MRPL13: variants seen among roughly 807,000 people sequenced by gnomAD.
MRPL13 encodes the protein mitochondrial ribosomal protein L13, also known as large ribosomal subunit protein uL13m.
MRPL13 carries 33 observed loss-of-function variants against 29.0 expected under a neutral mutation model. The ratio of observed to expected loss-of-function variants is 1.14; its 90% CI spans 0.86 to 1.52. MRPL13 has a LOEUF of 1.52. Among genes scored for constraint, MRPL13 ranks in the 40% most tolerant of loss-of-function variants. The pLI, the probability that MRPL13 is intolerant of heterozygous loss-of-function variation, is 0.00. For synonymous variants in MRPL13, 77 were observed against 68.4 expected (o/e 1.13, Z -0.62); for missense variants, 227 against 216.7 (o/e 1.05, Z -0.30).
At chr8:120,403,918 T>C (rs756725833) in intron 6 of MRPL13, among the ~76,000 whole-genome samples, 3 of 152,190 alleles carry the variant, frequency 2.0e-5, no homozygotes, top group Non-Finnish European at 4.4e-5. Flanking sequence ...TCTGGGAAAC[T>C]AGCCAGGTAT....
rs148855915 is a variant in MRPL13, at chr8:120,443,228, A to T, written c.108T>A (p.Ser36=). 244 of 1,610,394 alleles carry T rather than the reference A, an allele frequency of 1.5e-4. 2 individuals are homozygous for T. The African/African-American group carries it at 2.8e-3, about 19-fold the overall frequency. ...GTTTATGTAATCCCTGAAGTCTTAT[A>T]GATGCCATAGCAGCAAGTTTGCCAG... is the stretch of plus-strand genomic sequence containing the variant. ...QPPGKLAAMA[S]IRLQGLHKPV... The change falls in exon 2 of 7, where the codon TCT becomes TCA. Residue 36 remains serine, a synonymous_variant. Coordinates refer to ENST00000306185, the MANE Select transcript of MRPL13 (RefSeq NM_014078.6).
At chr8:120,440,179 A>G (rs1813101724) in intron 2 of MRPL13, among the ~76,000 whole-genome samples, 1 of 152,242 alleles carries the variant, frequency 6.6e-6, no homozygotes, top group Non-Finnish European at 1.5e-5. Context: ...AAAGGTATAT[A>G]GAGTGAAAGG....
At chr8:120,402,250 A>G (rs1161133499) in intron 6 of MRPL13, among the ~76,000 whole-genome samples, 3 of 152,222 alleles carry the variant, frequency 2.0e-5, no homozygotes, top group African/African-American at 7.2e-5. Context: ...ACTTCAAACT[A>G]TACTACAAAG....
chr8:120,425,525 T>C lies in MRPL13; in HGVS notation c.246-159A>G, dbSNP rs375978409. ...AAGTAGTAATCTACGCTTTTTGAAA[T>C]GCTATTCTCTTAAATGGTCAACTAC... On this transcript the variant is annotated intron_variant, in intron 3 of 6. Transcript: ENST00000306185. 1.2e-3 allele frequency among the ~76,000 whole-genome samples: 190 copies of C among 152,318 alleles called. 1 individual carries two copies. Among genetic ancestry groups the C allele is most frequent in the African/African-American group, 4.3e-3 (180 of 41,588 alleles).
intron 2 of MRPL13, among the ~76,000 whole-genome samples, chr8:120,441,839 C>T (rs942520338): frequency 2.6e-5 from 4 of 152,072 alleles, no homozygotes; most frequent in African/African-American, 9.7e-5. Context: ...GAGATGCATG[C>T]TGAAGTACTT....
At chr8:120,414,473 G>C (rs1812781718) in intron 5 of MRPL13, 1 of 152,776 alleles carries the variant, frequency 6.5e-6, no homozygotes, top group Non-Finnish European at 1.5e-5. Flanking sequence ...ACTGTGGCCA[G>C]AAAAAAATTT....
chr8:120,404,111 C>T lies in MRPL13; in HGVS notation c.516-7986G>A, dbSNP rs6982956. On this transcript the variant is annotated intron_variant, in intron 6 of 6. Coordinates refer to ENST00000306185, the MANE Select transcript of MRPL13 (RefSeq NM_014078.6). ...CTCCTTTGGTATGTGACTCAATATA[C>T]GCAAAGCAGTTCTTAGTAAAGAGAC... is the stretch of plus-strand genomic sequence containing the variant. 7.2e-3 allele frequency among the ~76,000 whole-genome samples: 1,099 copies of T among 152,258 alleles called. 16 individuals carry two copies. The highest frequency in any genetic ancestry group is 0.025 in the African/African-American group (1,022 of 41,548).
chr8:120,439,712 A>C (rs1479837565), intron 2 of MRPL13, among the ~76,000 whole-genome samples: 2 of 152,184 alleles, frequency 1.3e-5, no homozygotes, highest in East Asian at 3.9e-4. Flanking sequence ...ACAAAACCTC[A>C]GATTCATATT....
At chr8:120,438,752 G>A (rs1384688168) in intron 2 of MRPL13, among the ~76,000 whole-genome samples, 1 of 152,158 alleles carries the variant, frequency 6.6e-6, no homozygotes, top group Admixed American at 6.5e-5. Context: ...AGGTGCCTAA[G>A]TTCTAGTCCC....
intron 6 of MRPL13, among the ~76,000 whole-genome samples, chr8:120,405,838 C>G (rs1350992039): frequency 1.3e-5 from 2 of 152,118 alleles, no homozygotes; most frequent in Non-Finnish European, 2.9e-5. Flanking sequence ...AATCTCTTCA[C>G]TAGATTAAAT....
intron 4 of MRPL13, among the ~76,000 whole-genome samples, chr8:120,421,334 A>G (rs1812872278): frequency 1.3e-5 from 2 of 151,904 alleles, no homozygotes. Flanking sequence ...AAATTAGAAT[A>G]ATCTACATCA....
At chr8:120,416,402 G>A (rs1009645810) in intron 5 of MRPL13, among the ~76,000 whole-genome samples, 1 of 152,188 alleles carries the variant, frequency 6.6e-6, no homozygotes, top group Non-Finnish European at 1.5e-5. Context: ...GCTGAGGCAG[G>A]AGAATGGCGT....
At chr8:120,411,471 T>G (rs1287426677) in intron 6 of MRPL13, among the ~76,000 whole-genome samples, 1 of 152,180 alleles carries the variant, frequency 6.6e-6, no homozygotes, top group Non-Finnish European at 1.5e-5. Context: ...ATGACTATAT[T>G]TTTCCTGGTC....
Position 120,398,599 on chromosome 8 carries a change from C to T in MRPL13, c.516-2474G>A, listed in dbSNP as rs914827022. Among the ~76,000 whole-genome samples the T allele has an allele frequency of 2.0e-4, 30 of 152,290 alleles. No homozygotes were observed. In the East Asian group the frequency reaches 3.7e-3, roughly 19 times the overall value. On this transcript the variant is annotated intron_variant, in intron 6 of 6. Coordinates refer to ENST00000306185, the MANE Select transcript of MRPL13 (RefSeq NM_014078.6). ...TAAAAGCCAGAGTGCTGCTTCTCCT[C>T]CAAATGACAGCAACACCTCTCCAGC...
chr8:120,414,207 A>C, intron 5 of MRPL13, 95 bp from the exon 6 acceptor site: 7 of 955,966 alleles, frequency 7.3e-6, no homozygotes, highest in Non-Finnish European at 9.7e-6. Flanking sequence ...AATAAGCAAA[A>C]GAATGCTCGT....
At chr8:120,396,264 T>TG in intron 6 of MRPL13, 139 bp from the exon 7 acceptor site, 1 of 648,870 alleles carries the variant, frequency 1.5e-6, no homozygotes, top group Non-Finnish European at 2.6e-6. Flanking sequence ...AAATTTTTGG[T>TG]GAAAAAAAAA....
In MRPL13 at chr8:120,419,927, T is replaced by C; in HGVS notation, c.318A>G (p.Leu106=). ...HLRDPVAIVK[L]AIYGMLPKNL... is the part of the protein sequence containing the mutation. ...TTTTTGGCAGCATGCCATAAATAGC[T>C]AGTTTTACAATCTGAAAGATATACA... Residue 106 remains leucine, a synonymous_variant, in exon 5 of 7, where the codon CTA becomes CTG. Coordinates refer to ENST00000306185, the MANE Select transcript of MRPL13 (RefSeq NM_014078.6). The C allele has an allele frequency of 6.3e-7, 1 of 1,591,404 alleles. No individual in the cohort carries two copies.
chr8:120,404,079 C>T (rs372573162), intron 6 of MRPL13, among the ~76,000 whole-genome samples: 3 of 152,156 alleles, frequency 2.0e-5, no homozygotes, highest in East Asian at 1.9e-4. Flanking sequence ...CCAGAATATA[C>T]CCTTTTCTCC....
chr8:120,441,571 C>G (rs1259809027), intron 2 of MRPL13, among the ~76,000 whole-genome samples: 1 of 152,026 alleles, frequency 6.6e-6, no homozygotes. Flanking sequence ...AGCCTGGACT[C>G]CTCAAAAGGT....
Sources: gnomAD v4.1 joint callset for allele counts (sites outside exome capture counted in the v4.1 genomes callset) on GRCh38, gnomAD v4.1.1 for gene constraint, MANE v1.5 for transcripts, NCBI Gene and HGNC (gene_info 2026-07-23, HGNC 2026-07-21) for gene names.